The following FCHO2 variants were observed in gnomAD, a reference collection of about 807,000 sequenced individuals.
FCHO2 encodes the protein F-BAR domain only protein 2.
Under a neutral mutation model 114.1 loss-of-function variants are expected in FCHO2, and 43 were observed. The observed-to-expected ratio is 0.38, with a 90% confidence interval of 0.30 to 0.49. FCHO2 has a LOEUF of 0.49. FCHO2 is among the 20% of genes least tolerant of loss of function. FCHO2 has a pLI of 0.97. For missense variants in FCHO2, 807 were observed against 950.4 expected (o/e 0.85, Z 1.98); for synonymous variants, 293 against 315.2 (o/e 0.93, Z 0.75).
Position 73,059,735 on chromosome 5 carries a change from G to C in FCHO2, c.1345+1211G>C, listed in dbSNP as rs1757763793. Among the ~76,000 whole-genome samples, 3 of 152,126 alleles carry C rather than the reference G, an allele frequency of 2.0e-5. No individual in the cohort carries two copies. The South Asian group carries it at 6.2e-4, about 32-fold the overall frequency. On this transcript the variant is annotated intron_variant, in intron 17 of 25. Transcript: ENST00000430046. ...AACAGCAAGAAACAGTCAATAGATA[G>C]TTGAACATAATCTGAAGTGGCTTTA...
intron 24 of FCHO2, among the ~76,000 whole-genome samples, chr5:73,087,040 A>G (rs1021293754): frequency 1.3e-5 from 2 of 152,204 alleles, no homozygotes; most frequent in Admixed American, 6.5e-5. Context: ...TGTTCCTGCC[A>G]TTCCATTAGA....
intron 15 of FCHO2, among the ~76,000 whole-genome samples, chr5:73,054,860 G>A (rs1026748173): frequency 5.3e-5 from 8 of 152,062 alleles, no homozygotes; most frequent in Non-Finnish European, 1.0e-4. Flanking sequence ...ACCAGAAAGC[G>A]TTTATAAGAT....
chr5:73,003,736 G>T (rs780705387), intron 5 of FCHO2, among the ~76,000 whole-genome samples: 13 of 151,994 alleles, frequency 8.6e-5, no homozygotes, highest in African/African-American at 2.7e-4. Flanking sequence ...ATTATGCTAG[G>T]CTGTGTCATT....
chr5:72,993,780 T>G (rs150671589), intron 5 of FCHO2, among the ~76,000 whole-genome samples: 1 of 152,208 alleles, frequency 6.6e-6, no homozygotes, highest in Non-Finnish European at 1.5e-5. Context: ...GAAAATCTTT[T>G]AGTGATACCT....
At chr5:73,021,344 G>C in intron 8 of FCHO2, 1 of 395,090 alleles carries the variant, frequency 2.5e-6, no homozygotes, top group Non-Finnish European at 4.8e-6. Flanking sequence ...GGGAAGGAGG[G>C]AGGGTGAGAA....
intron 8 of FCHO2, among the ~76,000 whole-genome samples, chr5:73,018,459 T>A (rs1218106927): frequency 6.6e-6 from 1 of 152,182 alleles, no homozygotes; most frequent in East Asian, 1.9e-4. Context: ...AAAGTGGGAT[T>A]CTGGACTTGG....
chr5:73,049,995 C>T (rs1464769831), intron 11 of FCHO2, among the ~76,000 whole-genome samples: 1 of 152,098 alleles, frequency 6.6e-6, no homozygotes, highest in Non-Finnish European at 1.5e-5. Context: ...CCATCCATTT[C>T]CTCTGCCCAA....
At chr5:73,055,068 G>C (rs772194901) in intron 15 of FCHO2, 13 of 384,682 alleles carry the variant, frequency 3.4e-5, no homozygotes, top group South Asian at 2.6e-4. Flanking sequence ...TTTGTTAACA[G>C]AAGACTTAAC....
intron 6 of FCHO2, among the ~76,000 whole-genome samples, chr5:73,011,277 G>A (rs1443793835): frequency 6.6e-6 from 1 of 151,954 alleles, no homozygotes. Flanking sequence ...ATTAAAAATT[G>A]TTTTCTTCCT....
intron 24 of FCHO2, among the ~76,000 whole-genome samples, chr5:73,083,358 T>A (rs949136599): frequency 6.6e-6 from 1 of 152,228 alleles, no homozygotes; most frequent in African/African-American, 2.4e-5. Context: ...AGATTGAGTA[T>A]GTGTTCTCTA....
intron 5 of FCHO2, chr5:72,997,134 C>G (rs892424623): frequency 1.8e-6 from 2 of 1,128,336 alleles, no homozygotes; most frequent in African/African-American, 1.5e-5. Flanking sequence ...CTTATTCACT[C>G]CCACCATGAT....
intron 8 of FCHO2, among the ~76,000 whole-genome samples, chr5:73,029,715 T>G (rs1000260540): frequency 1.3e-5 from 2 of 152,178 alleles, no homozygotes; most frequent in Non-Finnish European, 2.9e-5. Flanking sequence ...AGAGCCACCA[T>G]GTCACATGGC....
chr5:72,979,211 G>A (rs1395106111), intron 2 of FCHO2, among the ~76,000 whole-genome samples: 1 of 151,242 alleles, frequency 6.6e-6, no homozygotes, highest in Non-Finnish European at 1.5e-5. Flanking sequence ...TGTACCTCTG[G>A]TAGATTTTGG....
intron 19 of FCHO2, among the ~76,000 whole-genome samples, chr5:73,069,474 G>C (rs906320295): frequency 1.7e-4 from 26 of 152,068 alleles, no homozygotes; most frequent in African/African-American, 6.3e-4. Context: ...GACAATGGCA[G>C]ATCATCAGGC....
chr5:72,997,245 C>G (rs775176086), intron 5 of FCHO2: 23 of 1,154,270 alleles, frequency 2.0e-5, no homozygotes, highest in African/African-American at 4.6e-5. Context: ...CATTAGAGGC[C>G]CCATGTGGAT....
chr5:73,089,336 C>T lies in FCHO2; in HGVS notation c.*1246C>T, dbSNP rs1743411144. ...GTTTTATGGTATTTTGTGAGGGATG[C>T]ATTTTTTAAAAGATTAATTTTGGAA... is the stretch of plus-strand genomic sequence containing the variant. On this transcript the variant is annotated 3_prime_UTR_variant, in exon 26 of 26. Transcript: ENST00000430046. 6.6e-6 allele frequency: 1 copy of T among 152,180 alleles called. No individual in the cohort carries two copies. The highest frequency in any genetic ancestry group is 1.5e-5 in the Non-Finnish European group (1 of 67,942). 9.4% of individuals were successfully genotyped at this position (152,180 alleles called of 1,614,324 possible). A position where few individuals can be genotyped will look rare whatever the true frequency, so the allele number is the denominator to read the frequency against.
At chr5:73,058,811 A>G (rs1472558699) in intron 17 of FCHO2, among the ~76,000 whole-genome samples, 1 of 152,190 alleles carries the variant, frequency 6.6e-6, no homozygotes, top group Non-Finnish European at 1.5e-5. Context: ...AGATAATTCA[A>G]ATACAAAATA....
intron 20 of FCHO2, among the ~76,000 whole-genome samples, chr5:73,075,553 A>G (rs1396098927): frequency 6.6e-6 from 1 of 152,166 alleles, no homozygotes; most frequent in Non-Finnish European, 1.5e-5. Flanking sequence ...TTTGAGTAAC[A>G]TGGAAAGCCA....
At position 73,061,330 on chromosome 5, in the gene FCHO2, A is replaced by G. The variant is rs181158826; in HGVS notation, c.1346-2511A>G. Among the ~76,000 whole-genome samples, 361 of 152,234 alleles carry G rather than the reference A, an allele frequency of 2.4e-3. 2 individuals are homozygous for G. Among genetic ancestry groups the G allele is most frequent in the South Asian group, 0.011 (54 of 4,830 alleles). On this transcript the variant is annotated intron_variant, in intron 17 of 25. Coordinates refer to ENST00000430046, the MANE Select transcript of FCHO2 (RefSeq NM_138782.3). ...ATGTACATACTTCTTCAGTTAATAT[A>G]GTTTGAACTTATGCTCTTCTTCCGT...
Sources: allele counts gnomAD v4.1 joint callset (sites outside exome capture counted in the v4.1 genomes callset), GRCh38; gene constraint gnomAD v4.1.1; transcripts MANE v1.5; gene names NCBI Gene and HGNC (gene_info 2026-07-23, HGNC 2026-07-21).